Variants in MYSM1 observed in about 807,000 individuals in gnomAD.
MYSM1 encodes the protein deubiquitinase MYSM1.
A neutral mutation model predicts 116.0 loss-of-function variants in MYSM1; 51 were observed. The ratio of observed to expected loss-of-function variants is 0.44; its 90% CI spans 0.35 to 0.56. The LOEUF (loss-of-function observed/expected upper bound fraction) is 0.56. Among genes scored for constraint, MYSM1 ranks in the 20% least tolerant of loss-of-function variants. MYSM1 has a pLI of 0.00. For synonymous variants in MYSM1, 313 were observed against 315.2 expected (o/e 0.99, Z 0.07); for missense variants, 900 against 974.9 (o/e 0.92, Z 1.02).
intron 16 of MYSM1, among the ~76,000 whole-genome samples, chr1:58,666,576 CTTTTTTTTT>C (rs36057863): frequency 7.6e-6 from 1 of 131,622 alleles, no homozygotes; most frequent in Non-Finnish European, 1.6e-5. Flanking sequence ...TATTTTTTTT[CTTTTTTTTT>C]TTTTTGGCTG....
intron 17 of MYSM1, among the ~76,000 whole-genome samples, chr1:58,664,103 A>T (rs1006031599): frequency 6.6e-6 from 1 of 152,214 alleles, no homozygotes; most frequent in Admixed American, 6.5e-5. Flanking sequence ...ATGTAATTCT[A>T]ATCAACTTAC....
In MYSM1 at chr1:58,682,410, C is replaced by T. The variant is rs1182300301; in HGVS notation, c.634G>A (p.Val212Ile). ...TCATCAGATAACTTTTCAATTTTTACAGCATTCAAGTTGGGATCAGCACGT... is the reference window on the plus strand; with the variant it reads ...TCATCAGATAACTTTTCAATTTTTATAGCATTCAAGTTGGGATCAGCACGT... Reference protein sequence around the residue: ...RGRADPNLNAVKIEKLSDDEE... With the variant: ...RGRADPNLNAIKIEKLSDDEE... Residue 212 changes from valine to isoleucine, a missense_variant, in exon 8 of 20, where the codon GTA becomes ATA. This residue lies in a region of MYSM1 where 622 missense variants were observed against 623.7 expected (regional missense o/e 1.00). Transcript: ENST00000472487. The T allele has an allele frequency of 3.1e-6, 5 of 1,614,062 alleles. No homozygotes were observed. Among genetic ancestry groups the T allele is most frequent in the African/African-American group, 1.3e-5 (1 of 74,928 alleles).
intron 7 of MYSM1, among the ~76,000 whole-genome samples, chr1:58,684,125 A>G (rs922880627): frequency 1.3e-5 from 2 of 152,160 alleles, no homozygotes; most frequent in Admixed American, 1.3e-4. Flanking sequence ...CCATTCCATT[A>G]GTTACCACCT....
intron 6 of MYSM1, among the ~76,000 whole-genome samples, chr1:58,687,619 C>A (rs1644846119): frequency 6.6e-6 from 1 of 152,098 alleles, no homozygotes; most frequent in Non-Finnish European, 1.5e-5. Context: ...TCCTGCCTAA[C>A]CACCTGACTA....
chr1:58,690,128 G>A, intron 5 of MYSM1, 98 bp downstream of exon 5: 1 of 949,334 alleles, frequency 1.1e-6, no homozygotes, highest in South Asian at 1.8e-5. Context: ...TTAAGGTCAA[G>A]AGGGCTTTTC....
chr1:58,672,691 G>A (rs1644581326), intron 11 of MYSM1, among the ~76,000 whole-genome samples: 1 of 152,016 alleles, frequency 6.6e-6, no homozygotes, highest in Admixed American at 6.6e-5. Context: ...TCAGCCTAAA[G>A]TGTATTCATC....
At chr1:58,684,964 G>C (rs1448598386) in intron 7 of MYSM1, among the ~76,000 whole-genome samples, 189 bp downstream of exon 7, 2 of 152,144 alleles carry the variant, frequency 1.3e-5, no homozygotes, top group Non-Finnish European at 2.9e-5. Context: ...AGAGTAACAT[G>C]ATACCTATTT....
At chr1:58,697,809 G>C (rs1382389755) in intron 1 of MYSM1, among the ~76,000 whole-genome samples, 1 of 151,090 alleles carries the variant, frequency 6.6e-6, no homozygotes, top group African/African-American at 2.4e-5. Flanking sequence ...GGCTGATCTC[G>C]AACTCCCAAC....
At chr1:58,666,849 G>A (rs576181996) in intron 16 of MYSM1, among the ~76,000 whole-genome samples, 189 bp downstream of exon 16, 1 of 150,468 alleles carries the variant, frequency 6.6e-6, no homozygotes, top group Admixed American at 6.6e-5. Context: ...ACTCCAGCTT[G>A]GGCAACAAGA....
Position 58,673,634 on chromosome 1 carries a change from C to A in MYSM1, c.1511G>T (p.Arg504Met). 1 of 1,613,962 alleles carries A rather than the reference C, an allele frequency of 6.2e-7. No individual in the cohort carries two copies. The highest frequency in any genetic ancestry group is 1.1e-5 in the South Asian group (1 of 91,066). Residue 504 changes from arginine (R) to methionine (M), a missense_variant, in exon 11 of 20, where the codon AGG becomes ATG. Physicochemically the swap from Arg to Met is moderately conservative, Grantham distance 91 (BLOSUM62 -1). Coordinates refer to ENST00000472487, the MANE Select transcript of MYSM1 (RefSeq NM_001085487.3). The part of the protein sequence containing the change: ...RLQSMRTRRR[R>M]VRDPWGNWCD... ...CCAGTTTCCCCATGGGTCTCGGACC[C>A]TACGTCTCCTTGTACGCTGCGATGA...
At chr1:58,682,945 T>C (rs1644771087) in intron 7 of MYSM1, among the ~76,000 whole-genome samples, 1 of 152,196 alleles carries the variant, frequency 6.6e-6, no homozygotes, top group Non-Finnish European at 1.5e-5. Flanking sequence ...TGCACCTGCC[T>C]CGGCCTCCCA....
In MYSM1 at chr1:58,700,017, C is replaced by T. The variant is rs970510405; in HGVS notation, c.36G>A (p.Gly12=). The T allele has an allele frequency of 6.2e-7, 1 of 1,613,726 alleles. No homozygotes were observed. The highest frequency in any genetic ancestry group is 1.1e-5 in the South Asian group (1 of 91,082). Residue 12 remains glycine (G), a synonymous_variant, in exon 1 of 20, where the codon GGG becomes GGA. Transcript: ENST00000472487. ...GTGCCCCCGCCGCCGCTACCACGTC[C>T]CCTTCGATATCCACATCCGCCTCTT... ...AAEEADVDIE[G]DVVAAAGAQP... is the part of the protein sequence containing the mutation.
Position 58,659,166 on chromosome 1 carries a change from CTGAT to C in MYSM1, c.*827_*830del, listed in dbSNP as rs1339112865. On this transcript the variant is annotated 3_prime_UTR_variant, in exon 20 of 20. Coordinates refer to ENST00000472487, the MANE Select transcript of MYSM1 (RefSeq NM_001085487.3). ...AAGGCTTGTTTTAAAAATTAAATCT[CTGAT>C]TTATTCCAGCTTTATTATCATTTGC... 1 of 152,074 alleles carries C rather than the reference CTGAT, an allele frequency of 6.6e-6. No individual in the cohort carries two copies. Among genetic ancestry groups the C allele is most frequent in the Non-Finnish European group, 1.5e-5 (1 of 68,002 alleles). The allele number at this position is 152,074 out of a possible 1,614,324, so 9.4% of individuals were successfully genotyped here. A position where few individuals can be genotyped will look rare whatever the true frequency, so the allele number is the denominator to read the frequency against.
intron 8 of MYSM1, among the ~76,000 whole-genome samples, chr1:58,678,735 A>C (rs1415048382): frequency 6.6e-6 from 1 of 152,228 alleles, no homozygotes; most frequent in East Asian, 1.9e-4. Context: ...GATATGTGAG[A>C]TATTTTAGAT....
At chr1:58,689,430 A>T (rs1443527509) in intron 5 of MYSM1, 2 of 213,740 alleles carry the variant, frequency 9.4e-6, no homozygotes, top group African/African-American at 2.3e-5. Context: ...GACTGGATAC[A>T]AAGCAGCAGG....
At position 58,654,789 on chromosome 1, in the gene MYSM1, C is replaced by CTT. The variant is rs1185388477; in HGVS notation, c.*5206_*5207dup. 6.6e-6 allele frequency: 1 copy of CTT among 152,084 alleles called. No homozygotes were observed. Among genetic ancestry groups the CTT allele is most frequent in the African/African-American group, 2.4e-5 (1 of 41,404 alleles). The allele number at this position is 152,084 out of a possible 1,614,324, so 9.4% of individuals were successfully genotyped here. A position where few individuals can be genotyped will look rare whatever the true frequency, so the allele number is the denominator to read the frequency against. On this transcript the variant is annotated 3_prime_UTR_variant, in exon 20 of 20. Transcript: ENST00000472487. ...TTATGGAATTTTCAGCATGTTTAAA[C>CTT]TTAATTTTTAGAACAAAATCCAAAA...
chr1:58,682,033 C>T lies in MYSM1; in HGVS notation c.1011G>A (p.Gln337=). 1 of 1,614,184 alleles carries T rather than the reference C, an allele frequency of 6.2e-7. No homozygotes were observed. Among genetic ancestry groups the T allele is most frequent in the Non-Finnish European group, 8.5e-7 (1 of 1,180,028 alleles). Residue 337 remains glutamine, a synonymous_variant, in exon 8 of 20, where the codon CAG becomes CAA. Coordinates refer to ENST00000472487, the MANE Select transcript of MYSM1 (RefSeq NM_001085487.3). ...DGRGIIVDAR[Q]LPSPEPCEIQ... is the part of the protein sequence containing the mutation. Reference sequence around the variant, plus strand: ...TTTCACAAGGCTCTGGAGAAGGCAACTGCCTGGCATCAACTATTATTCCCC... The same window carrying T: ...TTTCACAAGGCTCTGGAGAAGGCAATTGCCTGGCATCAACTATTATTCCCC...
rs1389558553 is a variant in MYSM1 at position 58,657,098 on chromosome 1, C to T, written c.*2899G>A. On this transcript the variant is annotated 3_prime_UTR_variant, in exon 20 of 20. Coordinates refer to ENST00000472487, the MANE Select transcript of MYSM1 (RefSeq NM_001085487.3). ...TTTAAAAGGATTAGAGAAGAATGGT[C>T]AAGGCTAAAATAATGGAGATGGAGA... 1 of 152,030 alleles carries T rather than the reference C, an allele frequency of 6.6e-6. No individual in the cohort carries two copies. The highest frequency in any genetic ancestry group is 1.5e-5 in the Non-Finnish European group (1 of 68,002). 9.4% of individuals were successfully genotyped at this position (152,030 alleles called of 1,614,324 possible).
At chr1:58,681,021 G>T (rs570546504) in intron 8 of MYSM1, among the ~76,000 whole-genome samples, 6 of 151,954 alleles carry the variant, frequency 3.9e-5, no homozygotes, top group Non-Finnish European at 7.4e-5. Flanking sequence ...GAAGGGACAG[G>T]GTTTCACCAC....
Sources: allele counts gnomAD v4.1 joint callset (sites outside exome capture counted in the v4.1 genomes callset), GRCh38; gene constraint gnomAD v4.1.1; regional missense constraint gnomAD v4.1.1; transcripts MANE v1.5; gene names NCBI Gene and HGNC (gene_info 2026-07-23, HGNC 2026-07-21).